The following AGMO variants were observed in gnomAD, a reference collection of about 807,000 sequenced individuals.
AGMO encodes glyceryl-ether monooxygenase.
AGMO carries 75 observed loss-of-function variants against 60.2 expected under a neutral mutation model. That is an observed-to-expected ratio of 1.25 (90% CI 1.03 to 1.51). AGMO has a LOEUF of 1.51. AGMO is among the 40% of genes most tolerant of loss of function. The pLI is 0.00. For missense variants in AGMO, 763 were observed against 525.5 expected (o/e 1.45, Z -4.42); for synonymous variants, 261 against 177.1 (o/e 1.47, Z -3.76).
At chr7:15,351,682 T>C (rs916393709) in intron 12 of AGMO, among the ~76,000 whole-genome samples, 4 of 152,234 alleles carry the variant, frequency 2.6e-5, no homozygotes, top group Non-Finnish European at 5.9e-5. Flanking sequence ...GACATGTTCA[T>C]GCAATAGCAG....
chr7:15,273,125 A>C (rs1783667131), intron 12 of AGMO, among the ~76,000 whole-genome samples: 1 of 152,048 alleles, frequency 6.6e-6, no homozygotes, highest in Admixed American at 6.5e-5. Context: ...GAAGCTCTTT[A>C]GTTTAATTAG....
chr7:15,290,103 C>T (rs1163845648), intron 12 of AGMO, among the ~76,000 whole-genome samples: 1 of 150,740 alleles, frequency 6.6e-6, no homozygotes, highest in Non-Finnish European at 1.5e-5. Context: ...GATCTTGGCT[C>T]ACTGCAACCT....
At chr7:15,320,618 G>A (rs996233167) in intron 12 of AGMO, among the ~76,000 whole-genome samples, 1 of 152,016 alleles carries the variant, frequency 6.6e-6, no homozygotes, top group Non-Finnish European at 1.5e-5. Context: ...TTTTCTAAAT[G>A]GTTAGAATTT....
intron 12 of AGMO, among the ~76,000 whole-genome samples, chr7:15,334,035 G>A (rs778914584): frequency 1.3e-5 from 2 of 152,074 alleles, no homozygotes; most frequent in South Asian, 4.1e-4. Flanking sequence ...ACAATACCAA[G>A]GGAGGTTCCT....
At chr7:15,390,445 T>C (rs569919893) in intron 8 of AGMO, among the ~76,000 whole-genome samples, 1 of 152,372 alleles carries the variant, frequency 6.6e-6, no homozygotes, top group African/African-American at 2.4e-5. Flanking sequence ...TTTTTCATTC[T>C]AGGCCATAGA....
intron 3 of AGMO, among the ~76,000 whole-genome samples, chr7:15,471,973 C>T (rs1162272403): frequency 6.6e-6 from 1 of 151,778 alleles, no homozygotes; most frequent in Non-Finnish European, 1.5e-5. Context: ...AGCATGAAAA[C>T]AAAGAATATT....
At chr7:15,122,763 G>A in the AGMO span, among the ~76,000 whole-genome samples, 1 of 151,976 alleles carries the variant, frequency 6.6e-6, no homozygotes, top group Admixed American at 6.6e-5. Flanking sequence ...TACCTTCACA[G>A]CTTCCACCCT....
intron 3 of AGMO, among the ~76,000 whole-genome samples, chr7:15,462,692 C>T (rs181111571): frequency 1.3e-3 from 197 of 152,122 alleles, no homozygotes; most frequent in Non-Finnish European, 2.4e-3. Context: ...TTCACCAGTG[C>T]AAGAAAAATT....
At chr7:15,390,281 C>G (rs187895311) in intron 8 of AGMO, among the ~76,000 whole-genome samples, 1 of 152,104 alleles carries the variant, frequency 6.6e-6, no homozygotes, top group African/African-American at 2.4e-5. Context: ...AAAGGCCTCA[C>G]GATGAATTTC....
rs60202363 is a variant in AGMO, at chr7:15,365,380, T to TAAAAAAAAAAAAAAAAAAAAAAAAAAAAA, written c.1263+133_1263+134insTTTTTTTTTTTTTTTTTTTTTTTTTTTTT. On this transcript the variant is annotated intron_variant, in intron 12 of 12. Coordinates refer to ENST00000342526, the MANE Select transcript of AGMO (RefSeq NM_001004320.2). ...GACACAACTAACAAGTACTGGTAAG[T>TAAAAAAAAAAAAAAAAAAAAAAAAAAAAA]AAAAAAAAAAAAAAAGATCAAGATT... The TAAAAAAAAAAAAAAAAAAAAAAAAAAAAA allele has an allele frequency of 1.6e-4, 36 of 223,982 alleles. 3 individuals are homozygous for TAAAAAAAAAAAAAAAAAAAAAAAAAAAAA. Among genetic ancestry groups the TAAAAAAAAAAAAAAAAAAAAAAAAAAAAA allele is most frequent in the African/African-American group, 2.9e-4 (5 of 17,276 alleles). 13.9% of individuals were successfully genotyped at this position (223,982 alleles called of 1,614,324 possible). A position where few individuals can be genotyped will look rare whatever the true frequency, so the allele number is the denominator to read the frequency against.
At chr7:15,539,793 G>A (rs1784575201) in intron 3 of AGMO, among the ~76,000 whole-genome samples, 1 of 152,016 alleles carries the variant, frequency 6.6e-6, no homozygotes, top group African/African-American at 2.4e-5. Context: ...AACCTCACCA[G>A]CATCTGCTAT....
intron 4 of AGMO, among the ~76,000 whole-genome samples, chr7:15,424,492 A>G (rs993091126): frequency 6.6e-6 from 1 of 152,196 alleles, no homozygotes. Flanking sequence ...ATAAATGACT[A>G]TCAAATCTCT....
intron 3 of AGMO, among the ~76,000 whole-genome samples, chr7:15,440,898 G>T (rs1781537063): frequency 6.6e-6 from 1 of 152,144 alleles, no homozygotes; most frequent in African/African-American, 2.4e-5. Flanking sequence ...CTTTCTCTTA[G>T]CTCCATCATT....
At chr7:15,516,609 C>T (rs1471060246) in intron 3 of AGMO, among the ~76,000 whole-genome samples, 2 of 152,120 alleles carry the variant, frequency 1.3e-5, no homozygotes, top group African/African-American at 2.4e-5. Flanking sequence ...GCAGGTATTG[C>T]ATTCCTTGTC....
chr7:15,501,619 G>A (rs1583620051), intron 3 of AGMO, among the ~76,000 whole-genome samples: 2 of 151,968 alleles, frequency 1.3e-5, no homozygotes, highest in East Asian at 3.9e-4. Context: ...ATAATACAGT[G>A]ACAAATGCAG....
intron 12 of AGMO, among the ~76,000 whole-genome samples, chr7:15,216,623 A>G (rs866123782): frequency 4.6e-5 from 7 of 152,254 alleles, no homozygotes; most frequent in Middle Eastern, 3.4e-3. Context: ...ATTCAATATA[A>G]TAACAAAACT....
At position 15,418,622 on chromosome 7, in the gene AGMO, G is replaced by A; in HGVS notation, c.545C>T (p.Pro182Leu). The change falls in exon 5 of 13, where the codon CCC (proline) becomes CTC (leucine). Residue 182 changes from proline (P) to leucine (L), a missense_variant. Pro to Leu is a moderately conservative substitution (Grantham distance 98). Transcript: ENST00000342526. ...IFYSPLALFI[P>L]PSVYAVHLQF... ...AAGATGAACAGCATATACTGAAGGG[G>A]GTATGAAGAGGGCCAGGGGAGAGTA... 6.4e-7 allele frequency: 1 copy of A among 1,574,034 alleles called. No homozygotes were observed. Among genetic ancestry groups the A allele is most frequent in the Non-Finnish European group, 8.6e-7 (1 of 1,166,056 alleles).
At chr7:15,149,587 TA>T in the AGMO span, among the ~76,000 whole-genome samples, 1 of 152,166 alleles carries the variant, frequency 6.6e-6, no homozygotes. Flanking sequence ...CCCTATTGCT[TA>T]CTATTGTCCA....
At chr7:15,451,833 C>G (rs984624828) in intron 3 of AGMO, among the ~76,000 whole-genome samples, 1 of 152,068 alleles carries the variant, frequency 6.6e-6, no homozygotes, top group African/African-American at 2.4e-5. Context: ...AGGGAAATGA[C>G]GTACAGAAAT....
Sources: allele counts gnomAD v4.1 joint callset (sites outside exome capture counted in the v4.1 genomes callset), GRCh38; gene constraint gnomAD v4.1.1; transcripts MANE v1.5; gene names NCBI Gene and HGNC (gene_info 2026-07-23, HGNC 2026-07-21).